The following CFAP46 variants were observed in gnomAD, a reference collection of about 807,000 sequenced individuals.
The protein encoded by CFAP46 is cilia- and flagella-associated protein 46.
CFAP46 carries 245 observed loss-of-function variants against 325.7 expected under a neutral mutation model. The ratio of observed to expected loss-of-function variants is 0.75; its 90% CI spans 0.68 to 0.84. The LOEUF (loss-of-function observed/expected upper bound fraction) is 0.84, where lower values mean the gene tolerates loss of function less well. Among genes scored for constraint, CFAP46 ranks in the 40% least tolerant of loss-of-function variants. CFAP46 has a pLI of 0.00. For missense variants in CFAP46, 3,346 were observed against 3,543.0 expected, an observed-to-expected ratio of 0.94 and a Z score of 1.41; for synonymous variants, 1,523 against 1,495.9, an observed-to-expected ratio of 1.02 and a Z score of -0.42.
At chr10:132,812,670 GC>G (rs1435742237) in intron 55 of CFAP46, 114 bp downstream of exon 55, 7 of 706,716 alleles carry the variant, frequency 9.9e-6, no homozygotes, top group Admixed American at 4.5e-5. Flanking sequence ...GCAGGAGGGG[GC>G]TGCGGCCACA....
At chr10:132,818,048 G>A (rs1461433398) in intron 50 of CFAP46, among the ~76,000 whole-genome samples, 1 of 152,188 alleles carries the variant, frequency 6.6e-6, no homozygotes, top group Non-Finnish European at 1.5e-5. Flanking sequence ...CTCAAGTCTG[G>A]AATCGCATCT....
intron 19 of CFAP46, among the ~76,000 whole-genome samples, chr10:132,911,319 C>T (rs770131274): frequency 2.8e-4 from 42 of 152,252 alleles, no homozygotes; most frequent in Non-Finnish European, 1.0e-4. Context: ...TCTGGCCTGG[C>T]GCAGCTGACT....
chr10:132,866,456 G>C (rs78403550), intron 34 of CFAP46, among the ~76,000 whole-genome samples: 7,872 of 152,284 alleles, frequency 0.052, 284 homozygotes, highest in African/African-American at 0.094. Flanking sequence ...TAGCCACGTA[G>C]AGCCTTTGCT....
Position 132,869,164 on chromosome 10 carries a change from C to A in CFAP46, c.4610+110G>T. The stretch of plus-strand genomic sequence containing the variant: ...CGTGTCCCCCAAGTGCTCACTCTCC[C>A]CAGAGGGGCAGGAGTCCAGGGAAGA... On this transcript the variant is annotated intron_variant, in intron 33 of 57. Transcript: ENST00000368586. This position sits in a 1 kb window ranked among gnomAD's most constrained non-coding sequence, Gnocchi z 6.2. 2 of 881,488 alleles carry A rather than the reference C, an allele frequency of 2.3e-6. No individual in the cohort carries two copies. Among genetic ancestry groups the A allele is most frequent in the Non-Finnish European group, 1.6e-6 (1 of 606,584 alleles). 54.6% of individuals were successfully genotyped at this position (881,488 alleles called of 1,614,324 possible).
In CFAP46 at chr10:132,922,201, G is replaced by C; in HGVS notation, c.1509C>G (p.Asp503Glu). The C allele has an allele frequency of 1.3e-6, 2 of 1,550,346 alleles. No homozygotes were observed. Among genetic ancestry groups the C allele is most frequent in the Non-Finnish European group, 1.7e-6 (2 of 1,146,810 alleles). ...GGAGGGCCCGCTTCTTCCTGACGCT[G>C]TCCTTTGGTGTAGCTTTTTTTGCCT... ...VEQAKKATPKDSVRKKRALLV... is the reference protein window; with the variant it reads ...VEQAKKATPKESVRKKRALLV... The change falls in exon 13 of 58, where the codon GAC becomes GAG. Residue 503 changes from aspartate to glutamate, a missense_variant. Physicochemically the swap from Asp to Glu is conservative, Grantham distance 45. Coordinates refer to ENST00000368586, the MANE Select transcript of CFAP46 (RefSeq NM_001200049.3).
At chr10:132,860,207 G>A (rs115818689) in intron 37 of CFAP46, among the ~76,000 whole-genome samples, 2,700 of 152,334 alleles carry the variant, frequency 0.018, 89 homozygotes, top group African/African-American at 0.062. Context: ...GGGACATGTG[G>A]ATGGAAGGTC....
chr10:132,882,802 T>C (rs1037354149), intron 27 of CFAP46, among the ~76,000 whole-genome samples: 2 of 151,448 alleles, frequency 1.3e-5, no homozygotes, highest in Admixed American at 6.6e-5. Flanking sequence ...TGCCCATGGA[T>C]GGGGAAGGAG....
intron 6 of CFAP46, 186 bp downstream of exon 6, chr10:132,937,366 C>A: frequency 2.9e-6 from 2 of 685,172 alleles, no homozygotes; most frequent in South Asian, 4.2e-5. Flanking sequence ...TGTCACAGTT[C>A]TATACATCTT....
chr10:132,850,395 GC>G lies in CFAP46; in HGVS notation c.5800del (p.Ala1934HisfsTer11). 1 of 1,579,554 alleles carries G rather than the reference GC, an allele frequency of 6.3e-7. No homozygotes were observed. Among genetic ancestry groups the G allele is most frequent in the Non-Finnish European group, 8.6e-7 (1 of 1,162,346 alleles). ...CTGCAGGCTCCCCAGCTGTGCCAGT[GC>G]CCCGTGTGCTAGAGTCCGCTTCAGC... ...FTLKRTLAHG[A>X]LAQLGSLQPL... On this transcript the variant is annotated frameshift_variant, in exon 41 of 58. Transcript: ENST00000368586. LOFTEE classifies it high-confidence loss of function.
chr10:132,834,616 G>A lies in CFAP46; in HGVS notation c.6866+38C>T, dbSNP rs376110291. 8.7e-6 allele frequency: 14 copies of A among 1,608,020 alleles called. No homozygotes were observed. The Admixed American group carries it at 1.5e-4, about 17-fold the overall frequency. On this transcript the variant is annotated intron_variant, in intron 48 of 57. Coordinates refer to ENST00000368586, the MANE Select transcript of CFAP46 (RefSeq NM_001200049.3). ...ACTGGACACACGTGTCCATGCGTGA[G>A]CGTGGTGGGGTGCCAGCCTCAACGT...
chr10:132,834,172 G>C (rs147564713), intron 48 of CFAP46, 49 bp from the exon 49 acceptor site: 4 of 1,563,966 alleles, frequency 2.6e-6, no homozygotes, highest in Non-Finnish European at 3.5e-6. Context: ...GATAACAAAC[G>C]CTTGGAATAT....
intron 5 of CFAP46, 123 bp from the exon 6 acceptor site, chr10:132,937,798 A>C (rs1430056131): frequency 3.0e-6 from 4 of 1,343,724 alleles, no homozygotes; most frequent in African/African-American, 1.5e-5. Flanking sequence ...CCCTGGGGTC[A>C]GCTTCTTCAG....
Position 132,942,421 on chromosome 10 carries a change from C to A in CFAP46, c.49+15G>T. On this transcript the variant is annotated intron_variant, in intron 1 of 57. Transcript: ENST00000368586. ...GGCCTCCCCGGGGCGGGGGTCGTGG[C>A]GGGCCTGGGGTCACCTTGCTGGCTC... 9 of 1,355,248 alleles carry A rather than the reference C, an allele frequency of 6.6e-6. No individual in the cohort carries two copies. Among genetic ancestry groups the A allele is most frequent in the Non-Finnish European group, 8.5e-6 (9 of 1,061,196 alleles). The allele number at this position is 1,355,248 out of a possible 1,614,324, so 84.0% of individuals were successfully genotyped here.
chr10:132,834,966 C>T (rs1428070960), intron 47 of CFAP46, among the ~76,000 whole-genome samples, 191 bp from the exon 48 acceptor site: 1 of 152,264 alleles, frequency 6.6e-6, no homozygotes, highest in East Asian at 1.9e-4. Context: ...CCCTGAGACC[C>T]CAGCCCCCAC....
intron 50 of CFAP46, among the ~76,000 whole-genome samples, chr10:132,821,349 A>T (rs1338161402): frequency 5.0e-5 from 4 of 79,994 alleles, no homozygotes; most frequent in Admixed American, 1.6e-4. Flanking sequence ...CTGTGTGCTG[A>T]TGTGTGCTGT....
Position 132,892,425 on chromosome 10 carries a change from A to C in CFAP46, c.3220-8T>G. On this transcript the variant is annotated splice_region_variant and splice_polypyrimidine_tract_variant and intron_variant, in intron 24 of 57. Transcript: ENST00000368586. ...CAGCGTCTTTCCTTTCTCCTAAAGT[A>C]ACGCAAGTAAACGACACGTATATTT... 6.5e-7 allele frequency: 1 copy of C among 1,550,246 alleles called. No homozygotes were observed. Among genetic ancestry groups the C allele is most frequent in the Admixed American group, 2.0e-5 (1 of 50,954 alleles).
rs540205384 is a variant in CFAP46, at chr10:132,881,042, T to A, written c.3628-10A>T. ...ACTCCATCTCAGGCTTCTGTGGGAT[T>A]GAACAGGAAGGGTGACATCCTCAGG... On this transcript the variant is annotated splice_polypyrimidine_tract_variant and intron_variant, in intron 27 of 57. Coordinates refer to ENST00000368586, the MANE Select transcript of CFAP46 (RefSeq NM_001200049.3). 88 of 1,550,094 alleles carry A rather than the reference T, an allele frequency of 5.7e-5. No homozygotes were observed. Among genetic ancestry groups the A allele is most frequent in the Non-Finnish European group, 6.5e-5 (75 of 1,146,708 alleles).
At chr10:132,840,255 G>A (rs1848327958) in intron 44 of CFAP46, among the ~76,000 whole-genome samples, 1 of 152,234 alleles carries the variant, frequency 6.6e-6, no homozygotes, top group African/African-American at 2.4e-5. Context: ...GAGTAAGGCT[G>A]TCAAGAACAT....
Position 132,892,419 on chromosome 10 carries a change from T to C in CFAP46, c.3220-2A>G. On this transcript the variant is annotated splice_acceptor_variant, in intron 24 of 57. Transcript: ENST00000368586. LOFTEE classifies it high-confidence loss of function. The stretch of plus-strand genomic sequence containing the variant: ...CAGAAGCAGCGTCTTTCCTTTCTCC[T>C]AAAGTAACGCAAGTAAACGACACGT... 6.4e-7 allele frequency: 1 copy of C among 1,550,618 alleles called. No individual in the cohort carries two copies. Among genetic ancestry groups the C allele is most frequent in the South Asian group, 1.2e-5 (1 of 84,052 alleles).
Sources: allele counts gnomAD v4.1 joint callset (sites outside exome capture counted in the v4.1 genomes callset), GRCh38; gene constraint gnomAD v4.1.1; non-coding constraint Gnocchi (gnomAD v3.1); transcripts MANE v1.5; gene names NCBI Gene and HGNC (gene_info 2026-07-23, HGNC 2026-07-21).